The following AFDN variants were observed in gnomAD, a reference collection of about 807,000 sequenced individuals.
The protein encoded by AFDN is afadin, adherens junction formation factor, also known as afadin.
A neutral mutation model predicts 216.6 loss-of-function variants in AFDN; 68 were observed. The ratio of observed to expected loss-of-function variants is 0.31; its 90% CI spans 0.26 to 0.38. The LOEUF (loss-of-function observed/expected upper bound fraction) is 0.38, where lower values mean the gene tolerates loss of function less well. AFDN is among the 10% of genes least tolerant of loss of function. The pLI is 1.00. For synonymous variants in AFDN, 868 were observed against 853.7 expected (o/e 1.02, Z -0.29); for missense variants, 2,136 against 2,342.0 (o/e 0.91, Z 1.82).
At chr6:167,840,206 G>T (rs1780908244) in intron 1 of AFDN, among the ~76,000 whole-genome samples, 2 of 152,214 alleles carry the variant, frequency 1.3e-5, no homozygotes, top group African/African-American at 4.8e-5. Context: ...AAATAGCTGG[G>T]CAAAGGGGTA....
chr6:167,921,706 T>G (rs2128497295), intron 21 of AFDN, among the ~76,000 whole-genome samples: 1 of 152,148 alleles, frequency 6.6e-6, no homozygotes, highest in Admixed American at 6.5e-5. Flanking sequence ...TTGTTCAGAT[T>G]TCAAAATCAT....
At chr6:167,965,216 G>A (rs1797422472) in intron 31 of AFDN, 1 of 312,966 alleles carries the variant, frequency 3.2e-6, no homozygotes, top group Non-Finnish European at 4.6e-6. Flanking sequence ...AAACAGGGTG[G>A]TTCACTCATG....
chr6:167,962,896 T>C lies in AFDN; in HGVS notation c.4968+329T>C, dbSNP rs971533372. The C allele has an allele frequency of 8.6e-7, 1 of 1,166,056 alleles. No individual in the cohort carries two copies. Among genetic ancestry groups the C allele is most frequent in the Non-Finnish European group, 1.1e-6 (1 of 938,588 alleles). 72.2% of individuals were successfully genotyped at this position (1,166,056 alleles called of 1,614,324 possible). A position where few individuals can be genotyped will look rare whatever the true frequency, so the allele number is the denominator to read the frequency against. On this transcript the variant is annotated intron_variant, in intron 31 of 33. Coordinates refer to ENST00000683244, the MANE Select transcript of AFDN (RefSeq NM_001386888.1). This position sits in a 1 kb window ranked among gnomAD's most constrained non-coding sequence, Gnocchi z 5.2. ...TACTGAACATGGCCCAGCTTGTCAT[T>C]GTGAAGGTGACATTGGTTCAGTGAT... is the stretch of plus-strand genomic sequence containing the variant.
At chr6:167,905,102 C>A (rs552833043) in intron 12 of AFDN, among the ~76,000 whole-genome samples, 32 of 152,252 alleles carry the variant, frequency 2.1e-4, no homozygotes, top group African/African-American at 7.0e-4. Context: ...CACTCTGGCC[C>A]CTTCTTGTCT....
chr6:167,880,347 A>C lies in AFDN; in HGVS notation c.740-13A>C. Reference sequence around the variant, plus strand: ...AGTAAGTTGTACTCAAAGATGTCAAAATGTTTTTTCAGGTGGAACATTGAG... The same window carrying C: ...AGTAAGTTGTACTCAAAGATGTCAACATGTTTTTTCAGGTGGAACATTGAG... On this transcript the variant is annotated splice_polypyrimidine_tract_variant and intron_variant, in intron 5 of 33. Coordinates refer to ENST00000683244, the MANE Select transcript of AFDN (RefSeq NM_001386888.1). 6.2e-7 allele frequency: 1 copy of C among 1,608,880 alleles called. No homozygotes were observed. Among genetic ancestry groups the C allele is most frequent in the Non-Finnish European group, 8.5e-7 (1 of 1,176,902 alleles).
intron 2 of AFDN, among the ~76,000 whole-genome samples, chr6:167,866,721 G>A (rs780108157): frequency 3.9e-5 from 6 of 152,160 alleles, no homozygotes; most frequent in Non-Finnish European, 8.8e-5. Context: ...ACAGCGTTAC[G>A]GAAAACCCAG....
intron 1 of AFDN, among the ~76,000 whole-genome samples, chr6:167,837,758 G>A (rs1780608719): frequency 6.6e-6 from 1 of 152,120 alleles, no homozygotes. Context: ...AGCAGTGATT[G>A]GAACCCAGAT....
intron 30 of AFDN, among the ~76,000 whole-genome samples, chr6:167,960,382 AT>A (rs1283654687): frequency 8.5e-6 from 1 of 117,566 alleles, no homozygotes; most frequent in Non-Finnish European, 1.7e-5. Flanking sequence ...GTTTTTACAG[AT>A]TTATAAAAAA....
At position 167,860,430 on chromosome 6, in the gene AFDN, A is replaced by C. The variant is rs533531932; in HGVS notation, c.106-4121A>C. Among the ~76,000 whole-genome samples, 7 of 152,278 alleles carry C rather than the reference A, an allele frequency of 4.6e-5. No individual in the cohort carries two copies. In the East Asian group the frequency reaches 9.7e-4, roughly 21 times the overall value. On this transcript the variant is annotated intron_variant, in intron 1 of 33. Coordinates refer to ENST00000683244, the MANE Select transcript of AFDN (RefSeq NM_001386888.1). Reference sequence around the variant, plus strand: ...TATTGGATCCTGAGGGAGGACCTAGAATAGGGAATAAAAGAGGTTTCCTTG... The same window carrying C: ...TATTGGATCCTGAGGGAGGACCTAGCATAGGGAATAAAAGAGGTTTCCTTG...
intron 1 of AFDN, among the ~76,000 whole-genome samples, chr6:167,850,966 G>A (rs1236882901): frequency 6.6e-6 from 1 of 152,026 alleles, no homozygotes; most frequent in Non-Finnish European, 1.5e-5. Flanking sequence ...TCTGCCTCCT[G>A]CAAGCGATTC....
intron 23 of AFDN, among the ~76,000 whole-genome samples, chr6:167,929,242 TAA>T (rs35368105): frequency 1.4e-5 from 2 of 146,674 alleles, no homozygotes; most frequent in Non-Finnish European, 3.0e-5. Context: ...TCTCCAGCAT[TAA>T]AAAAAAAAAA....
chr6:167,878,822 TTGCTGGTCCCC>T (rs1486513191), intron 5 of AFDN, among the ~76,000 whole-genome samples: 1 of 152,186 alleles, frequency 6.6e-6, no homozygotes, highest in Non-Finnish European at 1.5e-5. Flanking sequence ...GCCTTAGCAG[TTGCTGGTCCCC>T]TGCTGAGACA....
intron 1 of AFDN, among the ~76,000 whole-genome samples, chr6:167,846,160 A>T (rs551677582): frequency 6.6e-6 from 1 of 151,592 alleles, no homozygotes; most frequent in Admixed American, 6.6e-5. Context: ...CTTGGACCCC[A>T]TTCCTTTTAC....
At chr6:167,904,402 G>A (rs1290527047) in intron 12 of AFDN, among the ~76,000 whole-genome samples, 1 of 151,968 alleles carries the variant, frequency 6.6e-6, no homozygotes, top group Non-Finnish European at 1.5e-5. Context: ...TAGAGATCGT[G>A]TTTCGCCATG....
At position 167,965,963 on chromosome 6, in the gene AFDN, G is replaced by T. The variant is rs944504274; in HGVS notation, c.5175G>T (p.Gln1725His). Residue 1725 changes from glutamine (Q) to histidine (H), a missense_variant, in exon 32 of 34, where the codon CAG becomes CAT. Coordinates refer to ENST00000683244, the MANE Select transcript of AFDN (RefSeq NM_001386888.1). ...GAAACGCCTCCTACCTCAAAACACA[G>T]GTCCTCTCCCCCGACTCGCTGTTCA... ...PQRNASYLKTQVLSPDSLFTA... is the reference protein window; with the variant it reads ...PQRNASYLKTHVLSPDSLFTA... The T allele has an allele frequency of 6.5e-7, 1 of 1,544,598 alleles. No homozygotes were observed. The highest frequency in any genetic ancestry group is 2.5e-5 in the East Asian group (1 of 40,410).
At chr6:167,967,196 G>T (rs1797653961) in intron 32 of AFDN, among the ~76,000 whole-genome samples, 1 of 152,188 alleles carries the variant, frequency 6.6e-6, no homozygotes, top group Admixed American at 6.5e-5. Flanking sequence ...ATTACTTTTA[G>T]TGAGTGTATG....
chr6:167,955,509 C>CA (rs1474520047), intron 30 of AFDN, among the ~76,000 whole-genome samples: 9 of 152,070 alleles, frequency 5.9e-5, no homozygotes, highest in Admixed American at 5.2e-4. Flanking sequence ...TGATCAGAGT[C>CA]ACCTTAGTGT....
chr6:167,890,223 ATCC>A (rs1562617161), intron 7 of AFDN, among the ~76,000 whole-genome samples: 1 of 152,230 alleles, frequency 6.6e-6, no homozygotes, highest in African/African-American at 2.4e-5. Context: ...GCAAATTTCT[ATCC>A]TCCTTAAAAC....
intron 1 of AFDN, among the ~76,000 whole-genome samples, chr6:167,846,944 A>C (rs1781763987): frequency 6.6e-6 from 1 of 151,410 alleles, no homozygotes; most frequent in African/African-American, 2.4e-5. Context: ...TATTTGATTG[A>C]TGCAAACCTG....
Sources: allele counts gnomAD v4.1 joint callset (sites outside exome capture counted in the v4.1 genomes callset), GRCh38; gene constraint gnomAD v4.1.1; non-coding constraint Gnocchi (gnomAD v3.1); transcripts MANE v1.5; gene names NCBI Gene and HGNC (gene_info 2026-07-23, HGNC 2026-07-21).